The following CDKL3 variants were observed in gnomAD, a reference collection of about 807,000 sequenced individuals.
CDKL3 encodes the protein cyclin-dependent kinase-like 3.
CDKL3 carries 65 observed loss-of-function variants against 69.3 expected under a neutral mutation model. The observed-to-expected ratio is 0.94, with a 90% confidence interval of 0.77 to 1.15. The LOEUF (loss-of-function observed/expected upper bound fraction) is 1.15, where lower values mean the gene tolerates loss of function less well. Ranked by LOEUF, CDKL3 falls within the 50% of genes most tolerant of loss-of-function variation. The probability of loss-of-function intolerance (pLI) is 0.00; values close to 1 mark genes in which losing one functional copy is unlikely to be tolerated. For synonymous variants in CDKL3, 202 were observed against 221.6 expected, an observed-to-expected ratio of 0.91 and a Z score of 0.79; for missense variants, 652 against 689.2, an observed-to-expected ratio of 0.95 and a Z score of 0.61.
chr5:134,304,829 ATAATAT>A (rs1295008549), intron 10 of CDKL3, among the ~76,000 whole-genome samples: 236 of 147,298 alleles, frequency 1.6e-3, no homozygotes, highest in Admixed American at 2.1e-3. Context: ...AATAATAATA[ATAATAT>A]TATTATTATT....
rs561253528 is a variant in CDKL3, at chr5:134,315,561, T to G, written c.793-3181A>C. Among the ~76,000 whole-genome samples, 29 of 152,164 alleles carry G rather than the reference T, an allele frequency of 1.9e-4. 1 individual carries two copies. Among genetic ancestry groups the G allele is most frequent in the Middle Eastern group, 3.4e-3 (1 of 294 alleles). ...TTGCCAAGGCTGGGTCTGGAACACG[T>G]GGCCTCAAGCCATCCTCATGCCTTG... On this transcript the variant is annotated intron_variant, in intron 6 of 12. Transcript: ENST00000265334.
At chr5:134,337,111 G>A (rs1044563599) in intron 4 of CDKL3, among the ~76,000 whole-genome samples, 2 of 152,188 alleles carry the variant, frequency 1.3e-5, no homozygotes, top group African/African-American at 2.4e-5. Flanking sequence ...TCAGACTGCT[G>A]CACTAGCAGC....
At chr5:134,333,291 AT>A (rs1776250386) in intron 4 of CDKL3, among the ~76,000 whole-genome samples, 1 of 152,154 alleles carries the variant, frequency 6.6e-6, no homozygotes, top group South Asian at 2.1e-4. Flanking sequence ...TCTTTTCCTA[AT>A]TGAATACCCT....
At chr5:134,290,073 T>C (rs1208156353) in intron 8 of CDKL3, among the ~76,000 whole-genome samples, 1 of 152,050 alleles carries the variant, frequency 6.6e-6, no homozygotes, top group African/African-American at 2.4e-5. Flanking sequence ...AACTTTGCCT[T>C]GGCCAGGCGC....
intron 7 of CDKL3, 88 bp from the exon 8 acceptor site, chr5:134,308,815 G>T: frequency 9.1e-7 from 1 of 1,102,584 alleles, no homozygotes; most frequent in African/African-American, 1.6e-5. Flanking sequence ...ATCAATTAAT[G>T]TACATTTCAG....
At chr5:134,293,770 A>G (rs1765228666), downstream of CDKL3, among the ~76,000 whole-genome samples, 1 of 152,142 alleles carries the variant, frequency 6.6e-6, no homozygotes, top group African/African-American at 2.4e-5. Context: ...ACTGCATTCC[A>G]GCCTGGGTGG....
chr5:134,359,634 T>C (rs144359848), intron 3 of CDKL3, among the ~76,000 whole-genome samples: 2 of 152,310 alleles, frequency 1.3e-5, no homozygotes, highest in African/African-American at 2.4e-5. Context: ...AGCTGACTAC[T>C]GATTCTACTA....
downstream of CDKL3, among the ~76,000 whole-genome samples, chr5:134,296,952 CTTTTTTTTT>C (rs111349325): frequency 2.3e-5 from 3 of 131,302 alleles, no homozygotes; most frequent in African/African-American, 8.5e-5. Flanking sequence ...CTTTTCTTTT[CTTTTTTTTT>C]TTTTTTTTGA....
intron 9 of CDKL3, among the ~76,000 whole-genome samples, chr5:134,307,386 GAAC>G (rs1341765110): frequency 1.3e-5 from 2 of 152,152 alleles, no homozygotes; most frequent in Admixed American, 6.5e-5. Context: ...ATCACCTCAA[GAAC>G]AACTAGGCTC....
chr5:134,319,260 T>G lies in CDKL3; in HGVS notation c.792+98A>C, dbSNP rs113678309. ...GCAGGAGAATCTCATGACCTGGGAG[T>G]CAGAGGTTGCAGTGAGCCGAGATCA... On this transcript the variant is annotated intron_variant, in intron 6 of 12. Transcript: ENST00000265334. 4.6e-3 allele frequency: 3,858 copies of G among 847,810 alleles called. 72 individuals carry two copies. The African/African-American group carries it at 0.049, about 11-fold the overall frequency. The allele number at this position is 847,810 out of a possible 1,614,324, so 52.5% of individuals were successfully genotyped here.
At chr5:134,308,752 A>G in intron 7 of CDKL3, 25 bp from the exon 8 acceptor site, 1 of 1,555,272 alleles carries the variant, frequency 6.4e-7, no homozygotes, top group Non-Finnish European at 8.6e-7. Context: ...AATATCAACG[A>G]GTAATCTTTT....
chr5:134,369,435 G>A (rs990896739), upstream of CDKL3, among the ~76,000 whole-genome samples: 4 of 152,164 alleles, frequency 2.6e-5, no homozygotes, highest in Non-Finnish European at 5.9e-5. Flanking sequence ...GAGGGGGTAG[G>A]AGGAGGACCT....
At chr5:134,283,728 T>A (rs952636396), downstream of CDKL3, among the ~76,000 whole-genome samples, 4 of 152,026 alleles carry the variant, frequency 2.6e-5, no homozygotes, top group Non-Finnish European at 5.9e-5. Context: ...AAGTCTTAAC[T>A]CATTTCAGCA....
At chr5:134,344,829 C>T (rs937267510) in intron 4 of CDKL3, among the ~76,000 whole-genome samples, 1 of 151,956 alleles carries the variant, frequency 6.6e-6, no homozygotes, top group Non-Finnish European at 1.5e-5. Flanking sequence ...TTTGGGAGGC[C>T]GAGGCAGGTC....
At chr5:134,311,652 G>T (rs1200218598) in intron 7 of CDKL3, among the ~76,000 whole-genome samples, 3 of 152,188 alleles carry the variant, frequency 2.0e-5, no homozygotes, top group Non-Finnish European at 2.9e-5. Flanking sequence ...CAGGAATAAA[G>T]CTAAGAAGTA....
At chr5:134,291,222 T>C (rs1765111850) in intron 8 of CDKL3, among the ~76,000 whole-genome samples, 1 of 152,206 alleles carries the variant, frequency 6.6e-6, no homozygotes, top group African/African-American at 2.4e-5. Flanking sequence ...ACCTATTATA[T>C]ATTTTAATAT....
At chr5:134,340,707 A>T (rs1750271587) in intron 4 of CDKL3, among the ~76,000 whole-genome samples, 1 of 152,178 alleles carries the variant, frequency 6.6e-6, no homozygotes, top group African/African-American at 2.4e-5. Flanking sequence ...AAAAGACTGA[A>T]TTCATGATTT....
intron 9 of CDKL3, among the ~76,000 whole-genome samples, chr5:134,307,228 A>G (rs1209475302): frequency 6.6e-6 from 1 of 152,108 alleles, no homozygotes; most frequent in Admixed American, 6.6e-5. Context: ...GGTGACAGGC[A>G]TGTTGTGGGG....
intron 4 of CDKL3, among the ~76,000 whole-genome samples, chr5:134,331,252 C>G (rs947692988): frequency 3.9e-5 from 6 of 152,076 alleles, no homozygotes; most frequent in African/African-American, 1.2e-4. Context: ...TGTGAATGGT[C>G]TGCTGCTGCA....
Sources: gnomAD v4.1 joint callset for allele counts (sites outside exome capture counted in the v4.1 genomes callset) on GRCh38, gnomAD v4.1.1 for gene constraint, MANE v1.5 for transcripts, NCBI Gene and HGNC (gene_info 2026-07-23, HGNC 2026-07-21) for gene names.